Variants in PTGFRN observed in about 807,000 individuals in gnomAD.
PTGFRN encodes the protein prostaglandin F2 receptor negative regulator.
Under a neutral mutation model 83.2 loss-of-function variants are expected in PTGFRN, and 35 were observed. The ratio of observed to expected loss-of-function variants is 0.42; its 90% CI spans 0.32 to 0.56. The LOEUF (loss-of-function observed/expected upper bound fraction) is 0.56, where lower values mean the gene tolerates loss of function less well. PTGFRN is among the 20% of genes least tolerant of loss of function. PTGFRN has a pLI of 0.11. For synonymous variants in PTGFRN, 519 were observed against 498.6 expected, an observed-to-expected ratio of 1.04 and a Z score of -0.55; for missense variants, 1,051 against 1,179.5, an observed-to-expected ratio of 0.89 and a Z score of 1.60.
At chr1:116,980,275 A>G (rs1178347316) in intron 7 of PTGFRN, among the ~76,000 whole-genome samples, 2 of 152,214 alleles carry the variant, frequency 1.3e-5, no homozygotes, top group African/African-American at 4.8e-5. Context: ...GAGACTGTAA[A>G]CTAGTTCAAC....
At chr1:116,932,771 C>T (rs1196099813) in intron 1 of PTGFRN, among the ~76,000 whole-genome samples, 2 of 152,156 alleles carry the variant, frequency 1.3e-5, no homozygotes, top group African/African-American at 4.8e-5. Context: ...CTTTTTCCTA[C>T]TCAGATTAAA....
At chr1:116,944,628 C>T (rs767643052) in intron 2 of PTGFRN, 51 bp from the exon 3 acceptor site, 54 of 1,350,158 alleles carry the variant, frequency 4.0e-5, no homozygotes, top group Non-Finnish European at 4.7e-5. Flanking sequence ...TGGCCCTTGC[C>T]GGCTGGGGTC....
intron 6 of PTGFRN, 22 bp from the exon 7 acceptor site, chr1:116,974,194 G>A: frequency 6.6e-7 from 1 of 1,510,502 alleles, no homozygotes; most frequent in Non-Finnish European, 9.2e-7. Flanking sequence ...GAATAATGAG[G>A]CTGGCATTAC....
chr1:116,965,852 G>A (rs75504818), intron 5 of PTGFRN, among the ~76,000 whole-genome samples: 1 of 152,156 alleles, frequency 6.6e-6, no homozygotes, highest in African/African-American at 2.4e-5. Flanking sequence ...CAGTATGGAA[G>A]GCTGTCAATA....
chr1:116,988,592 A>T lies in PTGFRN; in HGVS notation c.*1625A>T, dbSNP rs1651592960. The T allele has an allele frequency of 6.5e-6, 1 of 152,706 alleles. No homozygotes were observed. Among genetic ancestry groups the T allele is most frequent in the Non-Finnish European group, 1.5e-5 (1 of 68,042 alleles). The allele number at this position is 152,706 out of a possible 1,614,324, so 9.5% of individuals were successfully genotyped here. ...TTCATTTGTTTTGAGCAATAAACTA[A>T]TACAAAATGATGGCCATTCATGTGC... is the stretch of plus-strand genomic sequence containing the variant. On this transcript the variant is annotated 3_prime_UTR_variant, in exon 9 of 9. Transcript: ENST00000393203.
chr1:116,963,774 AT>A lies in PTGFRN; in HGVS notation c.1639+2121del, dbSNP rs35747028. Among the ~76,000 whole-genome samples, 599 of 142,386 alleles carry A rather than the reference AT, an allele frequency of 4.2e-3. 5 individuals carry two copies. Among genetic ancestry groups the A allele is most frequent in the Middle Eastern group, 3.6e-3 (1 of 280 alleles). The allele number at this position is 142,386 out of a possible 152,430, so 93.4% of individuals were successfully genotyped here. Reference sequence around the variant, plus strand: ...GGGTGCTCACCACCACATTCAGCTAATTTTTTTTTTTTTTTGAGACAGGGTC... The same window carrying A: ...GGGTGCTCACCACCACATTCAGCTAATTTTTTTTTTTTTTGAGACAGGGTC... On this transcript the variant is annotated intron_variant, in intron 5 of 8. Coordinates refer to ENST00000393203, the MANE Select transcript of PTGFRN (RefSeq NM_020440.4).
chr1:116,915,096 C>T (rs1414306845), intron 1 of PTGFRN, among the ~76,000 whole-genome samples: 2 of 152,228 alleles, frequency 1.3e-5, no homozygotes, highest in African/African-American at 2.4e-5. Context: ...AGGATCTGAT[C>T]TCAGGACTCC....
intron 7 of PTGFRN, among the ~76,000 whole-genome samples, chr1:116,982,495 G>T (rs976424624): frequency 6.6e-6 from 1 of 152,126 alleles, no homozygotes; most frequent in Non-Finnish European, 1.5e-5. Context: ...TCTGTGCTGA[G>T]CAGGGGTGGG....
rs958504088 is a variant in PTGFRN at position 116,909,982 on chromosome 1, G to A, written c.-222G>A. The A allele has an allele frequency of 1.0e-5, 6 of 588,474 alleles. No homozygotes were observed. The highest frequency in any genetic ancestry group is 1.5e-5 in the Non-Finnish European group (5 of 334,162). 36.5% of individuals were successfully genotyped at this position (588,474 alleles called of 1,614,324 possible). ...TCGGCGGGGCCGGCTCCCGGGCCCG[G>A]CCGGCTGGAGGAGGGAGGGAAGGAG... is the stretch of plus-strand genomic sequence containing the variant. On this transcript the variant is annotated 5_prime_UTR_variant, in exon 1 of 9. Coordinates refer to ENST00000393203, the MANE Select transcript of PTGFRN (RefSeq NM_020440.4).
intron 7 of PTGFRN, among the ~76,000 whole-genome samples, chr1:116,975,848 C>T (rs1444512575): frequency 1.3e-5 from 2 of 152,198 alleles, no homozygotes; most frequent in African/African-American, 2.4e-5. Context: ...AGCTCTTCTC[C>T]AGCAACGGAA....
At chr1:116,965,879 G>GATGA (rs1344684349) in intron 5 of PTGFRN, among the ~76,000 whole-genome samples, 4 of 152,302 alleles carry the variant, frequency 2.6e-5, no homozygotes, top group East Asian at 3.9e-4. Context: ...TGTTTAAATT[G>GATGA]ATGAATGAAT....
intron 3 of PTGFRN, among the ~76,000 whole-genome samples, chr1:116,948,656 A>G (rs1390227653): frequency 2.6e-5 from 4 of 152,258 alleles, no homozygotes; most frequent in African/African-American, 9.6e-5. Context: ...ACCAGTCAGA[A>G]GCAAGTCTTC....
At chr1:116,942,640 CTG>C (rs1235260878) in intron 2 of PTGFRN, among the ~76,000 whole-genome samples, 2 of 152,192 alleles carry the variant, frequency 1.3e-5, no homozygotes, top group Non-Finnish European at 2.9e-5. Context: ...ATGTCTTTCT[CTG>C]TGGCTTTCAT....
At chr1:116,937,123 T>C (rs1275442443) in intron 1 of PTGFRN, among the ~76,000 whole-genome samples, 1 of 152,100 alleles carries the variant, frequency 6.6e-6, no homozygotes, top group Non-Finnish European at 1.5e-5. Context: ...TCTGAGAGTG[T>C]CCTGGGTTGA....
chr1:116,942,212 ATGTCT>A, intron 2 of PTGFRN, 129 bp downstream of exon 2: 1 of 1,254,524 alleles, frequency 8.0e-7, no homozygotes, highest in Admixed American at 2.8e-5. Context: ...GGGAATAATC[ATGTCT>A]TAAATAATCA....
At chr1:116,934,218 TCA>T (rs1249339322) in intron 1 of PTGFRN, among the ~76,000 whole-genome samples, 3 of 152,178 alleles carry the variant, frequency 2.0e-5, no homozygotes, top group Non-Finnish European at 2.9e-5. Flanking sequence ...CAGTCATGGC[TCA>T]CTGCAGCCTC....
At chr1:116,960,174 C>T (rs1650610873) in intron 4 of PTGFRN, among the ~76,000 whole-genome samples, 1 of 152,174 alleles carries the variant, frequency 6.6e-6, no homozygotes, top group Non-Finnish European at 1.5e-5. Flanking sequence ...CAGAGTATAT[C>T]CCTTCTGGGG....
intron 7 of PTGFRN, among the ~76,000 whole-genome samples, chr1:116,982,425 T>G (rs1651345174): frequency 6.6e-6 from 1 of 152,132 alleles, no homozygotes; most frequent in Admixed American, 6.5e-5. Flanking sequence ...TGCTGTGGGC[T>G]GTGAGGGAAT....
rs185956338 is a variant in PTGFRN at position 116,953,200 on chromosome 1, C to T, written c.1213+3628C>T. On this transcript the variant is annotated intron_variant, in intron 4 of 8. Coordinates refer to ENST00000393203, the MANE Select transcript of PTGFRN (RefSeq NM_020440.4). ...TAAGAACCTGATTTGCATTCTTCCCCACTGAAGGACTGGCCCCTCTTCAGC... is the reference window on the plus strand; with the variant it reads ...TAAGAACCTGATTTGCATTCTTCCCTACTGAAGGACTGGCCCCTCTTCAGC... Among the ~76,000 whole-genome samples, 12 of 152,308 alleles carry T rather than the reference C, an allele frequency of 7.9e-5. No individual in the cohort carries two copies. In the East Asian group the frequency reaches 1.7e-3, roughly 22 times the overall value.
Sources: allele counts gnomAD v4.1 joint callset (sites outside exome capture counted in the v4.1 genomes callset), GRCh38; gene constraint gnomAD v4.1.1; transcripts MANE v1.5; gene names NCBI Gene and HGNC (gene_info 2026-07-23, HGNC 2026-07-21).